Variants in RANBP17 observed in about 807,000 individuals in gnomAD.
RANBP17 encodes ran-binding protein 17.
In RANBP17, 158 loss-of-function variants were observed where a neutral mutation model predicts 141.2. That is an observed-to-expected ratio of 1.12 (90% CI 0.98 to 1.28). The LOEUF is 1.28. RANBP17 is among the 50% of genes most tolerant of loss of function. The pLI is 0.00. For synonymous variants in RANBP17, 430 were observed against 450.0 expected, an observed-to-expected ratio of 0.96 and a Z score of 0.56; for missense variants, 1,438 against 1,290.7, an observed-to-expected ratio of 1.11 and a Z score of -1.75.
intron 14 of RANBP17, among the ~76,000 whole-genome samples, chr5:170,997,940 CATATT>C (rs1005422717): frequency 3.1e-4 from 47 of 151,902 alleles, no homozygotes; most frequent in African/African-American, 1.1e-3. Flanking sequence ...TAAAAAGAAA[CATATT>C]AATTTTAAAA....
intron 14 of RANBP17, among the ~76,000 whole-genome samples, chr5:171,063,968 G>T (rs149705757): frequency 0.013 from 1,988 of 152,356 alleles, 17 homozygotes; most frequent in African/African-American, 0.018. Context: ...CTCCAAGCCA[G>T]GTGCGGGATA....
At chr5:170,969,923 T>C (rs1214178996) in intron 14 of RANBP17, among the ~76,000 whole-genome samples, 1 of 151,974 alleles carries the variant, frequency 6.6e-6, no homozygotes, top group African/African-American at 2.4e-5. Flanking sequence ...GGTGACAAAA[T>C]TTCTAAGGCA....
intron 14 of RANBP17, among the ~76,000 whole-genome samples, chr5:171,053,500 T>A (rs541845800): frequency 4.6e-5 from 7 of 152,332 alleles, no homozygotes; most frequent in East Asian, 3.9e-4. Flanking sequence ...ATGGAATTTT[T>A]AAAATTTTCC....
At chr5:170,902,737 A>G (rs1245174082) in intron 5 of RANBP17, among the ~76,000 whole-genome samples, 1 of 152,074 alleles carries the variant, frequency 6.6e-6, no homozygotes, top group African/African-American at 2.4e-5. Context: ...TGTTGATGCT[A>G]TTGCTTTCTG....
intron 14 of RANBP17, among the ~76,000 whole-genome samples, chr5:171,163,481 C>T (rs1184090462): frequency 6.6e-6 from 1 of 152,292 alleles, no homozygotes; most frequent in East Asian, 1.9e-4. Flanking sequence ...ATGCCTTTCA[C>T]ATTGATGAGG....
intron 14 of RANBP17, among the ~76,000 whole-genome samples, chr5:170,969,320 C>T (rs538746135): frequency 6.6e-6 from 1 of 151,714 alleles, no homozygotes; most frequent in Non-Finnish European, 1.5e-5. Flanking sequence ...CAATAAAATT[C>T]TCTTAGAATT....
At chr5:171,277,994 G>A (rs991360036) in intron 25 of RANBP17, among the ~76,000 whole-genome samples, 2 of 119,192 alleles carry the variant, frequency 1.7e-5, no homozygotes, top group African/African-American at 3.2e-5. Flanking sequence ...GATTGGACAG[G>A]AGGTAGACAT....
chr5:171,281,314 C>T (rs528797343), intron 25 of RANBP17, among the ~76,000 whole-genome samples: 1 of 152,298 alleles, frequency 6.6e-6, no homozygotes, highest in South Asian at 2.1e-4. Flanking sequence ...ACCAAGGCAA[C>T]CTACCAGAAA....
intron 14 of RANBP17, among the ~76,000 whole-genome samples, chr5:171,065,794 C>T (rs1784276822): frequency 6.6e-6 from 1 of 152,068 alleles, no homozygotes; most frequent in Non-Finnish European, 1.5e-5. Context: ...TGGAGTAGTT[C>T]TACCCTGCCT....
At chr5:171,240,559 ACTTAGTTTTAT>A (rs1437991587) in intron 22 of RANBP17, among the ~76,000 whole-genome samples, 1 of 152,106 alleles carries the variant, frequency 6.6e-6, no homozygotes, top group Non-Finnish European at 1.5e-5. Context: ...TTTTCTCTTG[ACTTAGTTTTAT>A]CCTACTTTTT....
rs1312457382 is a variant in RANBP17 at position 170,862,069 on chromosome 5, C to T, written c.18+18C>T. 1 of 1,447,218 alleles carries T rather than the reference C, an allele frequency of 6.9e-7. No homozygotes were observed. Among genetic ancestry groups the T allele is most frequent in the Non-Finnish European group, 9.0e-7 (1 of 1,106,166 alleles). The allele number at this position is 1,447,218 out of a possible 1,614,324, so 89.6% of individuals were successfully genotyped here. A position where few individuals can be genotyped will look rare whatever the true frequency, so the allele number is the denominator to read the frequency against. On this transcript the variant is annotated intron_variant, in intron 1 of 27. Coordinates refer to ENST00000523189, the MANE Select transcript of RANBP17 (RefSeq NM_022897.5). ...ACTTCCAGGTCAGTGTGCTCTGCGCCGCGGGCCCGCGCTCCGCCACGCTGG... is the reference window on the plus strand; with the variant it reads ...ACTTCCAGGTCAGTGTGCTCTGCGCTGCGGGCCCGCGCTCCGCCACGCTGG...
At chr5:171,074,222 AG>A (rs1784785108) in intron 14 of RANBP17, among the ~76,000 whole-genome samples, 1 of 152,178 alleles carries the variant, frequency 6.6e-6, no homozygotes, top group South Asian at 2.1e-4. Context: ...CCACAATCCC[AG>A]CCTGATCATG....
At chr5:170,962,589 C>A (rs997553478) in intron 13 of RANBP17, among the ~76,000 whole-genome samples, 16 of 152,286 alleles carry the variant, frequency 1.1e-4, no homozygotes, top group African/African-American at 3.8e-4. Context: ...ATTTATTTAA[C>A]TAAAACTTAC....
At chr5:171,102,813 T>C (rs1211672722) in intron 14 of RANBP17, among the ~76,000 whole-genome samples, 1 of 152,092 alleles carries the variant, frequency 6.6e-6, no homozygotes, top group Non-Finnish European at 1.5e-5. Context: ...ATGTTGATGC[T>C]ATTGCTTTCT....
chr5:171,077,389 A>G (rs1419334367), intron 14 of RANBP17, among the ~76,000 whole-genome samples: 1 of 152,202 alleles, frequency 6.6e-6, no homozygotes, highest in Non-Finnish European at 1.5e-5. Context: ...TCTTGCCATA[A>G]AACAAAAAGG....
chr5:171,081,616 G>GAA (rs1785263771), intron 14 of RANBP17, among the ~76,000 whole-genome samples: 1 of 152,022 alleles, frequency 6.6e-6, no homozygotes, highest in Non-Finnish European at 1.5e-5. Context: ...TTGTGATTTG[G>GAA]AAATAGTCTT....
chr5:170,948,470 T>C (rs1033819582), intron 12 of RANBP17, among the ~76,000 whole-genome samples: 1 of 152,180 alleles, frequency 6.6e-6, no homozygotes, highest in Admixed American at 6.5e-5. Context: ...TTTATAGTAT[T>C]ATCAAAAAGG....
intron 1 of RANBP17, among the ~76,000 whole-genome samples, chr5:170,875,405 G>A (rs1768095581): frequency 6.6e-6 from 1 of 152,206 alleles, no homozygotes; most frequent in Non-Finnish European, 1.5e-5. Flanking sequence ...ATATCCTGAA[G>A]TGTGTTTTCC....
intron 14 of RANBP17, among the ~76,000 whole-genome samples, chr5:171,045,977 T>C (rs1299362868): frequency 1.2e-4 from 19 of 152,172 alleles, no homozygotes; most frequent in Admixed American, 1.2e-3. Flanking sequence ...AAACTTGACC[T>C]TTTAAAACTG....
Sources: gnomAD v4.1 joint callset for allele counts (sites outside exome capture counted in the v4.1 genomes callset) on GRCh38, gnomAD v4.1.1 for gene constraint, MANE v1.5 for transcripts, NCBI Gene and HGNC (gene_info 2026-07-23, HGNC 2026-07-21) for gene names.